The following SLC35A1 variants were observed in gnomAD, a reference collection of about 807,000 sequenced individuals.
The protein encoded by SLC35A1 is solute carrier family 35 member A1, also known as CMP-sialic acid transporter.
In SLC35A1, 21 loss-of-function variants were observed where a neutral mutation model predicts 40.3. The observed-to-expected ratio is 0.52, with a 90% CI of 0.37 to 0.75. The LOEUF is 0.75. Ranked by LOEUF, SLC35A1 falls within the 30% of genes least tolerant of loss-of-function variation. SLC35A1 has a pLI of 0.00. For synonymous variants in SLC35A1, 146 were observed against 147.3 expected, an observed-to-expected ratio of 0.99 and a Z score of 0.06; for missense variants, 297 against 382.1, an observed-to-expected ratio of 0.78 and a Z score of 1.86.
At chr6:87,501,406 A>G in intron 4 of SLC35A1, 96 bp downstream of exon 4, 4 of 1,241,480 alleles carry the variant, frequency 3.2e-6, no homozygotes, top group South Asian at 1.3e-5. Context: ...GCATGACTAC[A>G]TTTCTTTGAT....
chr6:87,510,154 T>G (rs1274385800), intron 7 of SLC35A1, among the ~76,000 whole-genome samples: 4 of 152,172 alleles, frequency 2.6e-5, no homozygotes, highest in Non-Finnish European at 5.9e-5. Flanking sequence ...TATTGCCTAG[T>G]GGTGTTTTCA....
chr6:87,497,583 C>T (rs987313369), intron 2 of SLC35A1, among the ~76,000 whole-genome samples: 2 of 152,132 alleles, frequency 1.3e-5, no homozygotes, highest in Admixed American at 1.3e-4. Context: ...CCACAGCAGC[C>T]TTTATTGGTG....
At chr6:87,485,908 C>T (rs1769375326) in intron 2 of SLC35A1, among the ~76,000 whole-genome samples, 1 of 151,912 alleles carries the variant, frequency 6.6e-6, no homozygotes, top group Non-Finnish European at 1.5e-5. Context: ...AGAATGAATA[C>T]AGGGAAAGGA....
chr6:87,486,135 T>C (rs1438472631), intron 2 of SLC35A1, among the ~76,000 whole-genome samples: 1 of 152,200 alleles, frequency 6.6e-6, no homozygotes, highest in Non-Finnish European at 1.5e-5. Context: ...GGTTTGTTTA[T>C]TTAGTATGGT....
In SLC35A1 at chr6:87,477,166, GGT is replaced by G. The variant is rs71018020; in HGVS notation, c.17-172_17-171del. On this transcript the variant is annotated intron_variant, in intron 1 of 7. Transcript: ENST00000369552. ...TTGGCTGATGTTTAAAGTCAGCTGT[GGT>G]GTGTGTGTGTGTGTGTGTGTGTGCA... Among the ~76,000 whole-genome samples, 197 of 149,716 alleles carry G rather than the reference GGT, an allele frequency of 1.3e-3. 1 individual carries two copies. Among genetic ancestry groups the G allele is most frequent in the Non-Finnish European group, 1.6e-3 (105 of 67,346 alleles).
intron 7 of SLC35A1, 27 bp downstream of exon 7, chr6:87,509,202 T>C (rs910612927): frequency 9.9e-6 from 16 of 1,613,638 alleles, no homozygotes; most frequent in African/African-American, 5.3e-5. Context: ...GTTGAGTTTT[T>C]AACATGGAAG....
At chr6:87,510,811 C>T (rs1040138994) in intron 7 of SLC35A1, among the ~76,000 whole-genome samples, 20 of 150,754 alleles carry the variant, frequency 1.3e-4, no homozygotes, top group African/African-American at 4.6e-4. Flanking sequence ...GCAGAGGTTG[C>T]GGTGAGCCGA....
Position 87,483,980 on chromosome 6 carries a change from A to C in SLC35A1, c.194+6441A>C, listed in dbSNP as rs189596527. 1.0e-3 allele frequency among the ~76,000 whole-genome samples: 155 copies of C among 152,244 alleles called. 1 individual carries two copies. The highest frequency in any genetic ancestry group is 3.0e-3 in the African/African-American group (125 of 41,522). ...AGTAGGACTTGTCACCATCCACACA[A>C]CACCACAAGCAGGGTTGTCTGTGAT... On this transcript the variant is annotated intron_variant, in intron 2 of 7. Transcript: ENST00000369552.
chr6:87,497,628 C>T (rs1262725856), intron 2 of SLC35A1, among the ~76,000 whole-genome samples: 1 of 152,164 alleles, frequency 6.6e-6, no homozygotes, highest in African/African-American at 2.4e-5. Flanking sequence ...GCAGTTGGAT[C>T]CTTAAGTAGC....
intron 1 of SLC35A1, among the ~76,000 whole-genome samples, chr6:87,474,085 AAGAAAT>A (rs1300736227): frequency 6.6e-6 from 1 of 152,250 alleles, no homozygotes; most frequent in Non-Finnish European, 1.5e-5. Context: ...ATAAAAGAAA[AAGAAAT>A]AGAATTGTTT....
intron 1 of SLC35A1, among the ~76,000 whole-genome samples, chr6:87,475,846 A>T (rs1303249266): frequency 2.0e-5 from 3 of 152,180 alleles, no homozygotes; most frequent in Non-Finnish European, 4.4e-5. Context: ...CTTAACCTGG[A>T]GTTGTCAAAG....
intron 2 of SLC35A1, among the ~76,000 whole-genome samples, chr6:87,479,407 A>G (rs1425352890): frequency 1.3e-5 from 2 of 152,180 alleles, no homozygotes; most frequent in Non-Finnish European, 2.9e-5. Context: ...AAGTACACCC[A>G]TTACAGCTGT....
intron 2 of SLC35A1, among the ~76,000 whole-genome samples, chr6:87,478,923 T>C (rs377088962): frequency 1.6e-4 from 25 of 152,324 alleles, no homozygotes; most frequent in African/African-American, 6.0e-4. Context: ...GTGGCCTCTA[T>C]GGCTCTGTCG....
chr6:87,497,938 G>T (rs1769793834), intron 2 of SLC35A1, among the ~76,000 whole-genome samples: 1 of 150,018 alleles, frequency 6.7e-6, no homozygotes, highest in Admixed American at 6.7e-5. Context: ...TCTGTTACTT[G>T]GGCTGGTCTC....
At chr6:87,507,699 G>A (rs989812742) in intron 5 of SLC35A1, among the ~76,000 whole-genome samples, 3 of 151,960 alleles carry the variant, frequency 2.0e-5, no homozygotes, top group Admixed American at 6.6e-5. Context: ...TAATGGCTTT[G>A]TAAAATATGC....
At chr6:87,508,677 C>A in intron 6 of SLC35A1, 81 bp downstream of exon 6, 1 of 1,123,702 alleles carries the variant, frequency 8.9e-7, no homozygotes, top group Non-Finnish European at 1.3e-6. Flanking sequence ...GCTGTTATAA[C>A]ATTTTGAAAT....
At chr6:87,486,395 A>G (rs974996231) in intron 2 of SLC35A1, among the ~76,000 whole-genome samples, 6 of 152,202 alleles carry the variant, frequency 3.9e-5, no homozygotes, top group Non-Finnish European at 8.8e-5. Flanking sequence ...AGGTATTGTT[A>G]ATAAGATATA....
intron 2 of SLC35A1, among the ~76,000 whole-genome samples, chr6:87,492,297 T>C (rs1001070451): frequency 1.3e-5 from 2 of 152,296 alleles, no homozygotes; most frequent in Middle Eastern, 3.4e-3. Flanking sequence ...GATTACAGTT[T>C]GCTTTTAATT....
intron 4 of SLC35A1, among the ~76,000 whole-genome samples, chr6:87,505,385 A>T (rs1163282243): frequency 6.6e-6 from 1 of 152,242 alleles, no homozygotes; most frequent in African/African-American, 2.4e-5. Flanking sequence ...AAAGTGAAAC[A>T]GAGGGTTAGG....
Sources: gnomAD v4.1 joint callset for allele counts (sites outside exome capture counted in the v4.1 genomes callset) on GRCh38, gnomAD v4.1.1 for gene constraint, MANE v1.5 for transcripts, NCBI Gene and HGNC (gene_info 2026-07-23, HGNC 2026-07-21) for gene names.